OLFM3: variants seen among roughly 807,000 people sequenced by gnomAD.
OLFM3 encodes olfactomedin 3.
OLFM3 carries 20 observed loss-of-function variants against 48.6 expected under a neutral mutation model. The ratio of observed to expected loss-of-function variants is 0.41; its 90% confidence interval spans 0.29 to 0.60. The LOEUF (loss-of-function observed/expected upper bound fraction) is 0.60, where lower values mean the gene tolerates loss of function less well. OLFM3 is among the 20% of genes least tolerant of loss of function. The pLI is 0.28. For missense variants in OLFM3, 437 were observed against 544.3 expected, an observed-to-expected ratio of 0.80 and a Z score of 1.96; for synonymous variants, 222 against 198.1, an observed-to-expected ratio of 1.12 and a Z score of -1.01.
At chr1:101,817,930 G>A (rs991186519) in intron 4 of OLFM3, among the ~76,000 whole-genome samples, 3 of 151,910 alleles carry the variant, frequency 2.0e-5, no homozygotes, top group African/African-American at 7.2e-5. Flanking sequence ...ATATTTGTGA[G>A]GTAAAGGTAG....
intron 4 of OLFM3, among the ~76,000 whole-genome samples, chr1:101,824,288 T>C (rs555966739): frequency 5.3e-5 from 8 of 152,340 alleles, no homozygotes; most frequent in Admixed American, 2.0e-4. Flanking sequence ...ATTCAATTCA[T>C]AGCCACTTAT....
chr1:101,968,945 G>A (rs572135607), intron 1 of OLFM3, among the ~76,000 whole-genome samples: 1 of 152,210 alleles, frequency 6.6e-6, no homozygotes, highest in Non-Finnish European at 1.5e-5. Context: ...ATTCCTGCTT[G>A]AGATAGCTCC....
At chr1:101,822,512 T>C (rs1654658356) in intron 4 of OLFM3, among the ~76,000 whole-genome samples, 1 of 152,106 alleles carries the variant, frequency 6.6e-6, no homozygotes, top group Admixed American at 6.6e-5. Flanking sequence ...GGTTGGTTTC[T>C]CTATAACAAA....
At chr1:101,952,305 T>G (rs1277284811) in intron 1 of OLFM3, among the ~76,000 whole-genome samples, 3 of 152,164 alleles carry the variant, frequency 2.0e-5, no homozygotes, top group Non-Finnish European at 2.9e-5. Context: ...CTTCTTTTGT[T>G]TTAGTTTCCT....
Position 101,804,742 on chromosome 1 carries a change from G to T in OLFM3, c.873C>A (p.Ile291=), listed in dbSNP as rs374080349. ...CCATATCAAAGCTGTATTTGATGAT[G>T]ATATTACTCTGATACTTGTTAAAAT... ...SLYFNKYQSN[I]IIKYSFDMGR... The change falls in exon 6 of 6, where the codon ATC becomes ATA. Residue 291 remains isoleucine (I), a synonymous_variant. Transcript: ENST00000370103. This position sits in a 1 kb window ranked among gnomAD's most constrained non-coding sequence, Gnocchi z 4.5. The T allele has an allele frequency of 8.1e-6, 13 of 1,612,588 alleles. No individual in the cohort carries two copies. The highest frequency in any genetic ancestry group is 1.3e-5 in the African/African-American group (1 of 74,746).
In OLFM3 at chr1:101,804,055, A is replaced by G. The variant is rs1431681337; in HGVS notation, c.*183T>C. 4 of 487,392 alleles carry G rather than the reference A, an allele frequency of 8.2e-6. No homozygotes were observed. Among genetic ancestry groups the G allele is most frequent in the Admixed American group, 3.8e-5 (1 of 26,076 alleles). 30.2% of individuals were successfully genotyped at this position (487,392 alleles called of 1,614,324 possible). A position where few individuals can be genotyped will look rare whatever the true frequency, so the allele number is the denominator to read the frequency against. On this transcript the variant is annotated 3_prime_UTR_variant, in exon 6 of 6. Coordinates refer to ENST00000370103, the MANE Select transcript of OLFM3 (RefSeq NM_058170.4). This position sits in a 1 kb window ranked among gnomAD's most constrained non-coding sequence, Gnocchi z 4.5. The stretch of plus-strand genomic sequence containing the variant: ...AGGCCTTGTAAATTTAGAAGTTAAG[A>G]TGTGTTTCCAACATGGTAAGTTAGA...
chr1:101,874,252 AC>A (rs1657204378), intron 1 of OLFM3, among the ~76,000 whole-genome samples: 1 of 151,940 alleles, frequency 6.6e-6, no homozygotes, highest in African/African-American at 2.4e-5. Context: ...TAGTAAATAG[AC>A]ACATGTCAAA....
At position 101,804,967 on chromosome 1, in the gene OLFM3, A is replaced by T; in HGVS notation, c.700-52T>A. 1 of 1,393,986 alleles carries T rather than the reference A, an allele frequency of 7.2e-7. No individual in the cohort carries two copies. The highest frequency in any genetic ancestry group is 9.8e-7 in the Non-Finnish European group (1 of 1,021,216). 86.4% of individuals were successfully genotyped at this position (1,393,986 alleles called of 1,614,324 possible). A position where few individuals can be genotyped will look rare whatever the true frequency, so the allele number is the denominator to read the frequency against. The stretch of plus-strand genomic sequence containing the variant: ...AGTGACTAAATTCTGTACTTTTCTG[A>T]TAACCCCAAAAGAAAGACAGTGAGA... On this transcript the variant is annotated intron_variant, in intron 5 of 5. Coordinates refer to ENST00000370103, the MANE Select transcript of OLFM3 (RefSeq NM_058170.4). The surrounding 1 kb of genome is among the most constrained non-coding windows in gnomAD (Gnocchi z 4.5).
rs147516587 is a variant in OLFM3 at position 101,923,086 on chromosome 1, A to G, written c.69+73662T>C. On this transcript the variant is annotated intron_variant, in intron 1 of 5. Coordinates refer to ENST00000370103, the MANE Select transcript of OLFM3 (RefSeq NM_058170.4). ...ACAGGGCCCTATGGCTTAACCATGA[A>G]CCTCAGAAAATTCTGTTCAGACATT... Among the ~76,000 whole-genome samples the G allele has an allele frequency of 6.2e-3, 938 of 152,304 alleles. 12 individuals carry two copies. The highest frequency in any genetic ancestry group is 0.022 in the African/African-American group (897 of 41,558).
At chr1:101,861,420 G>A (rs1318864218) in intron 1 of OLFM3, among the ~76,000 whole-genome samples, 1 of 152,224 alleles carries the variant, frequency 6.6e-6, no homozygotes, top group African/African-American at 2.4e-5. Context: ...TGCATCACTG[G>A]CTGCTGCCTA....
At chr1:101,913,973 A>G (rs1658844493) in intron 1 of OLFM3, among the ~76,000 whole-genome samples, 1 of 152,218 alleles carries the variant, frequency 6.6e-6, no homozygotes, top group South Asian at 2.1e-4. Context: ...ATATTGAGCT[A>G]ATTAATGCTA....
intron 4 of OLFM3, among the ~76,000 whole-genome samples, chr1:101,820,544 G>T (rs967911992): frequency 6.6e-6 from 1 of 152,020 alleles, no homozygotes; most frequent in Non-Finnish European, 1.5e-5. Context: ...CTTAGAAAAG[G>T]ACATTACTGT....
At chr1:101,989,977 GA>G (rs1478447110) in intron 1 of OLFM3, among the ~76,000 whole-genome samples, 1 of 152,124 alleles carries the variant, frequency 6.6e-6, no homozygotes, top group Non-Finnish European at 1.5e-5. Context: ...GAAGACATAA[GA>G]AGTCCATACT....
chr1:101,951,585 C>T (rs1410342309), intron 1 of OLFM3, among the ~76,000 whole-genome samples: 2 of 152,002 alleles, frequency 1.3e-5, no homozygotes, highest in African/African-American at 4.8e-5. Flanking sequence ...CTATTTTTTC[C>T]CTAATACTTA....
At chr1:101,839,464 TA>T (rs749766862) in intron 1 of OLFM3, among the ~76,000 whole-genome samples, 1 of 152,228 alleles carries the variant, frequency 6.6e-6, no homozygotes, top group Non-Finnish European at 1.5e-5. Context: ...TATCTGGACA[TA>T]AGCCCTGCAG....
At chr1:101,961,095 T>C (rs1660454292) in intron 1 of OLFM3, among the ~76,000 whole-genome samples, 1 of 152,118 alleles carries the variant, frequency 6.6e-6, no homozygotes, top group Non-Finnish European at 1.5e-5. Flanking sequence ...TATGGCAATT[T>C]ACCATAGGAA....
At chr1:101,844,691 A>G (rs1655898892) in intron 1 of OLFM3, among the ~76,000 whole-genome samples, 1 of 152,168 alleles carries the variant, frequency 6.6e-6, no homozygotes, top group South Asian at 2.1e-4. Flanking sequence ...GAGATAACAC[A>G]TGGTGGAGGC....
intron 1 of OLFM3, among the ~76,000 whole-genome samples, chr1:101,984,113 A>G (rs1661170868): frequency 6.6e-6 from 1 of 151,892 alleles, no homozygotes; most frequent in Non-Finnish European, 1.5e-5. Context: ...GGTGCCACAC[A>G]CTTGTAATGC....
chr1:101,892,483 C>T (rs1658040608), intron 1 of OLFM3, among the ~76,000 whole-genome samples: 1 of 151,992 alleles, frequency 6.6e-6, no homozygotes. Flanking sequence ...AAAATTAAAT[C>T]TTAGTAGAAA....
Sources: gnomAD v4.1 joint callset for allele counts (sites outside exome capture counted in the v4.1 genomes callset) on GRCh38, gnomAD v4.1.1 for gene constraint, Gnocchi (gnomAD v3.1) non-coding constraint, MANE v1.5 for transcripts, NCBI Gene and HGNC (gene_info 2026-07-23, HGNC 2026-07-21) for gene names.